The following DCC variants were observed in gnomAD, a reference collection of about 807,000 sequenced individuals.
DCC encodes the protein DCC netrin 1 receptor.
Under a neutral mutation model 172.5 loss-of-function variants are expected in DCC, and 58 were observed. That is an observed-to-expected ratio of 0.34 (90% CI 0.27 to 0.42). The LOEUF (loss-of-function observed/expected upper bound fraction) is 0.42. Ranked by LOEUF, DCC falls within the 10% of genes least tolerant of loss-of-function variation. The pLI is 1.00. For missense variants in DCC, 1,740 were observed against 1,791.0 expected (o/e 0.97, Z 0.51); for synonymous variants, 709 against 644.5 (o/e 1.10, Z -1.52).
At chr18:53,526,940 G>GA in intron 28 of DCC, 181 bp downstream of exon 28, 6 of 646,142 alleles carry the variant, frequency 9.3e-6, no homozygotes, top group East Asian at 5.6e-5. Flanking sequence ...TAAAAGCTAT[G>GA]AAAAAAAATT....
At chr18:52,704,522 T>A (rs1187198092) in intron 1 of DCC, among the ~76,000 whole-genome samples, 1 of 152,238 alleles carries the variant, frequency 6.6e-6, no homozygotes, top group African/African-American at 2.4e-5. Flanking sequence ...CCTGAAAGTT[T>A]ATATTTTATT....
chr18:52,872,963 GA>G (rs1235835556), intron 2 of DCC, among the ~76,000 whole-genome samples: 1 of 151,974 alleles, frequency 6.6e-6, no homozygotes, highest in Non-Finnish European at 1.5e-5. Context: ...ACGAACTAAT[GA>G]AAAAAGGCTT....
intron 18 of DCC, among the ~76,000 whole-genome samples, chr18:53,397,933 A>G (rs12604759): frequency 0.42 from 64,431 of 151,922 alleles, 15,436 homozygotes; most frequent in Non-Finnish European, 0.55. Flanking sequence ...GGTTTTGTTC[A>G]CTCCTGGGAA....
intron 16 of DCC, among the ~76,000 whole-genome samples, chr18:53,389,129 A>C (rs1451989104): frequency 6.6e-6 from 1 of 152,132 alleles, no homozygotes; most frequent in Admixed American, 6.6e-5. Flanking sequence ...ATTCATGGGC[A>C]CTTACAAAAA....
chr18:53,001,103 C>T (rs2041558646), intron 5 of DCC, among the ~76,000 whole-genome samples: 3 of 152,016 alleles, frequency 2.0e-5, no homozygotes, highest in African/African-American at 7.2e-5. Context: ...CCGCCAACCC[C>T]TAAGCAAGAT....
chr18:53,375,092 T>A (rs544798260), intron 15 of DCC, among the ~76,000 whole-genome samples: 1 of 152,300 alleles, frequency 6.6e-6, no homozygotes, highest in African/African-American at 2.4e-5. Flanking sequence ...ATGGGGACAA[T>A]CACTGTGCCT....
chr18:52,741,511 T>C (rs2145114407), intron 1 of DCC, among the ~76,000 whole-genome samples: 1 of 152,272 alleles, frequency 6.6e-6, no homozygotes, highest in African/African-American at 2.4e-5. Flanking sequence ...AGCACCCCTC[T>C]CAGTTGTGAC....
intron 5 of DCC, among the ~76,000 whole-genome samples, chr18:52,981,248 C>T (rs2041204020): frequency 6.6e-6 from 1 of 152,034 alleles, no homozygotes; most frequent in Non-Finnish European, 1.5e-5. Flanking sequence ...ACTTGTGGAC[C>T]TATGAGTTTA....
chr18:52,490,826 C>G (rs2030464604), intron 1 of DCC, among the ~76,000 whole-genome samples: 1 of 152,034 alleles, frequency 6.6e-6, no homozygotes, highest in South Asian at 2.1e-4. Context: ...GAATATGTCT[C>G]CAGACCAATG....
chr18:52,593,385 T>C (rs568528361), intron 1 of DCC, among the ~76,000 whole-genome samples: 6 of 152,206 alleles, frequency 3.9e-5, no homozygotes, highest in African/African-American at 9.7e-5. Context: ...AAAATACATA[T>C]CATTCATGTC....
At chr18:53,021,909 G>A (rs527340185) in intron 5 of DCC, among the ~76,000 whole-genome samples, 73 of 152,198 alleles carry the variant, frequency 4.8e-4, no homozygotes, top group African/African-American at 1.6e-3. Context: ...CAAAAGTTCT[G>A]GTTTCACCTA....
At chr18:53,047,486 T>A (rs2042270910) in intron 5 of DCC, among the ~76,000 whole-genome samples, 8 of 78,448 alleles carry the variant, frequency 1.0e-4, no homozygotes, top group African/African-American at 2.7e-4. Flanking sequence ...TTGAGGAATC[T>A]TTTTTTTATT....
intron 8 of DCC, among the ~76,000 whole-genome samples, chr18:53,163,991 C>A (rs2054880563): frequency 6.6e-6 from 1 of 152,154 alleles, no homozygotes; most frequent in African/African-American, 2.4e-5. Context: ...GAAGTTTATA[C>A]CTCCATTATA....
At chr18:53,048,339 G>C (rs2042286856) in intron 5 of DCC, among the ~76,000 whole-genome samples, 1 of 151,372 alleles carries the variant, frequency 6.6e-6, no homozygotes, top group Non-Finnish European at 1.5e-5. Context: ...ATGTGTTCTT[G>C]TTGTTTAGCT....
intron 5 of DCC, among the ~76,000 whole-genome samples, chr18:52,996,059 T>C (rs191988392): frequency 6.6e-6 from 1 of 152,044 alleles, no homozygotes; most frequent in African/African-American, 2.4e-5. Context: ...TTTGTCATCA[T>C]GTTAAATGGG....
intron 2 of DCC, among the ~76,000 whole-genome samples, chr18:52,797,524 C>T (rs114268707): frequency 4.1e-4 from 62 of 152,194 alleles, no homozygotes; most frequent in African/African-American, 1.3e-3. Context: ...TCAGTGTCAG[C>T]GATATCTGGA....
At chr18:52,825,071 G>T (rs1486623101) in intron 2 of DCC, among the ~76,000 whole-genome samples, 1 of 152,022 alleles carries the variant, frequency 6.6e-6, no homozygotes, top group Non-Finnish European at 1.5e-5. Context: ...GCAAGATAAA[G>T]AATTAAGAAC....
chr18:52,574,013 ATTC>A (rs1288789223), intron 1 of DCC, among the ~76,000 whole-genome samples: 3 of 152,162 alleles, frequency 2.0e-5, no homozygotes, highest in Admixed American at 6.5e-5. Flanking sequence ...CAGAAAATTT[ATTC>A]TTAAGTCCAA....
At chr18:52,900,162 T>A (rs1356402188) in intron 2 of DCC, among the ~76,000 whole-genome samples, 1 of 152,214 alleles carries the variant, frequency 6.6e-6, no homozygotes, top group East Asian at 1.9e-4. Flanking sequence ...TGCATTGAAC[T>A]ATTAAGTCTC....
Sources: gnomAD v4.1 joint callset for allele counts (sites outside exome capture counted in the v4.1 genomes callset) on GRCh38, gnomAD v4.1.1 for gene constraint, MANE v1.5 for transcripts, NCBI Gene and HGNC (gene_info 2026-07-23, HGNC 2026-07-21) for gene names.